HIRIP3: variants seen among roughly 807,000 people sequenced by gnomAD.
The protein encoded by HIRIP3 is HIRA interacting protein 3.
A neutral mutation model predicts 50.3 loss-of-function variants in HIRIP3; 40 were observed. The ratio of observed to expected loss-of-function variants is 0.79; its 90% CI spans 0.62 to 1.03. The LOEUF (loss-of-function observed/expected upper bound fraction) is 1.03. Among genes scored for constraint, HIRIP3 ranks in the 50% least tolerant of loss-of-function variants. The probability of loss-of-function intolerance (pLI) is 0.00; values close to 1 mark genes in which losing one functional copy is unlikely to be tolerated. For synonymous variants in HIRIP3, 318 were observed against 261.6 expected (o/e 1.22, Z -2.08); for missense variants, 765 against 705.4 (o/e 1.08, Z -0.96).
chr16:29,993,534 G>A lies in HIRIP3; in HGVS notation c.1432C>T (p.Arg478Trp), dbSNP rs376150507. The part of the protein sequence containing the change: ...MKGTPSLGKC[R>W]ALKEQREEAA... ...TCCTCCCTCTGCTCCTTCAGGGCCC[G>A]ACACTTCCCTAGGGAAGGGGTACCT... is the stretch of plus-strand genomic sequence containing the variant. The change falls in exon 6 of 7, where the codon CGG (arginine) becomes TGG (tryptophan). Residue 478 changes from arginine to tryptophan, a missense_variant. Coordinates refer to ENST00000279392, the MANE Select transcript of HIRIP3 (RefSeq NM_003609.5). 188 of 1,613,662 alleles carry A rather than the reference G, an allele frequency of 1.2e-4. No individual in the cohort carries two copies. The highest frequency in any genetic ancestry group is 1.4e-4 in the Non-Finnish European group (167 of 1,179,850).
upstream of HIRIP3, chr16:29,995,755 T>G: frequency 1.1e-6 from 1 of 909,664 alleles, no homozygotes; most frequent in Non-Finnish European, 1.7e-6. Context: ...GGCCGAGAAC[T>G]TTGCCAGACG....
At position 29,994,349 on chromosome 16, in the gene HIRIP3, G is replaced by A. The variant is rs761563175; in HGVS notation, c.796C>T (p.Arg266Trp). 5.0e-5 allele frequency: 81 copies of A among 1,613,832 alleles called. No homozygotes were observed. Among genetic ancestry groups the A allele is most frequent in the Non-Finnish European group, 6.3e-5 (74 of 1,180,016 alleles). Reference protein sequence around the residue: ...DWKPRTRSNGRRKSAREERSC... With the variant: ...DWKPRTRSNGWRKSAREERSC... Reference sequence around the variant, plus strand: ...CTCTCCTCCCTAGCTGACTTTCTCCGGCCATTGCTCCTGGTTCTGGGTTTC... The same window carrying A: ...CTCTCCTCCCTAGCTGACTTTCTCCAGCCATTGCTCCTGGTTCTGGGTTTC... The change falls in exon 4 of 7, where the codon CGG becomes TGG. Residue 266 changes from arginine to tryptophan, a missense_variant. By Grantham distance (101) the Arg-to-Trp change is moderately radical. Transcript: ENST00000279392.
chr16:29,993,230 T>C lies in HIRIP3; in HGVS notation c.1648A>G (p.Ser550Gly). The change falls in exon 7 of 7, where the codon AGC becomes GGC. Residue 550 changes from serine to glycine, a missense_variant. Ser to Gly is a moderately conservative substitution (Grantham distance 56). Transcript: ENST00000279392. ...GCTCAGTTACTCTCGCCATCACTGC[T>C]GATGATGCCACGCATATGTGACCAG... is the stretch of plus-strand genomic sequence containing the variant. Reference protein sequence around the residue: ...PDWSHMRGIISSDGESN With the variant: ...PDWSHMRGIIGSDGESN 6.3e-7 allele frequency: 1 copy of C among 1,592,132 alleles called. No homozygotes were observed. Among genetic ancestry groups the C allele is most frequent in the Non-Finnish European group, 8.6e-7 (1 of 1,168,828 alleles).
At position 29,993,800 on chromosome 16, in the gene HIRIP3, T is replaced by C; in HGVS notation, c.1248A>G (p.Ser416=). The stretch of plus-strand genomic sequence containing the variant: ...CCGGGTGGTCCTCTCCACGGCGACC[T>C]GAGCCAGCCTAGCAAGGAAAGAGCA... ...SPEAKGGKAG[S]GRRGEDHPAV... is the part of the protein sequence containing the mutation. Residue 416 remains serine (S), a synonymous_variant, in exon 5 of 7, where the codon TCA becomes TCG. Transcript: ENST00000279392. The C allele has an allele frequency of 3.1e-6, 5 of 1,613,098 alleles. No individual in the cohort carries two copies. Among genetic ancestry groups the C allele is most frequent in the Non-Finnish European group, 4.2e-6 (5 of 1,179,978 alleles).
Position 29,994,383 on chromosome 16 carries a change from C to CT in HIRIP3, c.761dup (p.Asp256GlyfsTer16). 1 of 1,614,130 alleles carries CT rather than the reference C, an allele frequency of 6.2e-7. No homozygotes were observed. Among genetic ancestry groups the CT allele is most frequent in the Non-Finnish European group, 8.5e-7 (1 of 1,180,014 alleles). On this transcript the variant is annotated frameshift_variant, in exon 4 of 7. Transcript: ENST00000279392. LOFTEE classifies it high-confidence loss of function. Reference sequence around the variant, plus strand: ...TCCTGGTTCTGGGTTTCCAATCCCCCTTTTCCTCATCCTCTTCTTTCTCTT... The same window carrying CT: ...TCCTGGTTCTGGGTTTCCAATCCCCCTTTTTCCTCATCCTCTTCTTTCTCTT...
upstream of HIRIP3, chr16:29,995,711 G>T: frequency 7.0e-7 from 1 of 1,423,402 alleles, no homozygotes; most frequent in Non-Finnish European, 9.7e-7. Flanking sequence ...AACGTGGGGC[G>T]AGGGACCGTT....
Position 29,994,365 on chromosome 16 carries a change from TC to T in HIRIP3, c.779del (p.Arg260LysfsTer70). 1 of 1,614,202 alleles carries T rather than the reference TC, an allele frequency of 6.2e-7. No individual in the cohort carries two copies. The highest frequency in any genetic ancestry group is 8.5e-7 in the Non-Finnish European group (1 of 1,180,028). ...ACTTTCTCCGGCCATTGCTCCTGGT[TC>T]TGGGTTTCCAATCCCCCTTTTCCTC... ...EDEEKGDWKP[R>X]TRSNGRRKSA... On this transcript the variant is annotated frameshift_variant, in exon 4 of 7. Coordinates refer to ENST00000279392, the MANE Select transcript of HIRIP3 (RefSeq NM_003609.5). LOFTEE classifies it high-confidence loss of function.
rs777943113 is a variant in HIRIP3, at chr16:29,994,648, C to A, written c.497G>T (p.Gly166Val). 2 of 1,614,134 alleles carry A rather than the reference C, an allele frequency of 1.2e-6. No individual in the cohort carries two copies. Among genetic ancestry groups the A allele is most frequent in the Non-Finnish European group, 1.7e-6 (2 of 1,180,030 alleles). ...TTTCTTCCTAGTCTTCCCCTTGTAC[C>A]CCTTTTCCTCCTCCTCACTGCTCTC... ...GEESSEEEEK[G>V]YKGKTRKKPV... The change falls in exon 4 of 7, where the codon GGG becomes GTG. Residue 166 changes from glycine to valine, a missense_variant. Physicochemically the swap from Gly to Val is moderately radical, Grantham distance 109. Coordinates refer to ENST00000279392, the MANE Select transcript of HIRIP3 (RefSeq NM_003609.5).
At position 29,993,100 on chromosome 16, in the gene HIRIP3, C is replaced by G; in HGVS notation, c.*107G>C. 1.0e-6 allele frequency: 1 copy of G among 997,274 alleles called. No homozygotes were observed. Among genetic ancestry groups the G allele is most frequent in the Non-Finnish European group, 1.4e-6 (1 of 707,176 alleles). 61.8% of individuals were successfully genotyped at this position (997,274 alleles called of 1,614,324 possible). ...TCCCAACAGCTTGTGTCCTTGGGAG[C>G]TGCAGTCTTCTCTGAAGGAAGCTGC... On this transcript the variant is annotated 3_prime_UTR_variant, in exon 7 of 7. Coordinates refer to ENST00000279392, the MANE Select transcript of HIRIP3 (RefSeq NM_003609.5).
At position 29,993,283 on chromosome 16, in the gene HIRIP3, TC is replaced by T; in HGVS notation, c.1594del (p.Glu532LysfsTer89). On this transcript the variant is annotated frameshift_variant, in exon 7 of 7. Transcript: ENST00000279392. LOFTEE classifies it high-confidence loss of function. ...ELYRRTLDSD[E>X]ERPRPAPPDW... ...TGGGGGTGCGGGACGGGGCCGCTCT[TC>T]ATCTGAGTCCAGGGTCCGTCGGTAC... The T allele has an allele frequency of 6.5e-7, 1 of 1,549,840 alleles. No homozygotes were observed.
Position 29,993,448 on chromosome 16 carries a change from A to G in HIRIP3, c.1507+11T>C. 1 of 1,607,738 alleles carries G rather than the reference A, an allele frequency of 6.2e-7. No homozygotes were observed. Among genetic ancestry groups the G allele is most frequent in the East Asian group, 2.2e-5 (1 of 44,770 alleles). On this transcript the variant is annotated intron_variant, in intron 6 of 6. Coordinates refer to ENST00000279392, the MANE Select transcript of HIRIP3 (RefSeq NM_003609.5). ...CTATCTGCTCCTGGGCAGTGAGAGG[A>G]AACCCCTTACCCGAGCCACTGATGA...
In HIRIP3 at chr16:29,995,424, A is replaced by G. The variant is rs151257215; in HGVS notation, c.105T>C (p.Ala35=). The G allele has an allele frequency of 3.7e-6, 6 of 1,613,552 alleles. No homozygotes were observed. The South Asian group carries it at 5.5e-5, about 15-fold the overall frequency. ...THSIVRRRYL[A]HSGRSHLEPE... ...GCTCCAGGTGGCTGCGGCCCGAGTG[A>G]GCTAAGTACCTCCGCCGCACGATGG... The change falls in exon 2 of 7, where the codon GCT becomes GCC. Residue 35 remains alanine (A), a synonymous_variant. Coordinates refer to ENST00000279392, the MANE Select transcript of HIRIP3 (RefSeq NM_003609.5).
Position 29,994,009 on chromosome 16 carries a change from TG to T in HIRIP3, c.1135del (p.Gln379ArgfsTer48), listed in dbSNP as rs1567259110. 1 of 1,601,058 alleles carries T rather than the reference TG, an allele frequency of 6.2e-7. No individual in the cohort carries two copies. The highest frequency in any genetic ancestry group is 8.5e-7 in the Non-Finnish European group (1 of 1,173,306). Reference protein sequence around the residue: ...VSDSEAGGGPQGERKNRSSKK... With the variant: ...VSDSEAGGGPXGERKNRSSKK... ...GGAAGAGCGGTTCTTCCTCTCCCCCTGGGGGCCTCCCCCTGCCTCGCTGTCA... is the reference window on the plus strand; with the variant it reads ...GGAAGAGCGGTTCTTCCTCTCCCCCTGGGGCCTCCCCCTGCCTCGCTGTCA... On this transcript the variant is annotated frameshift_variant, in exon 4 of 7. Coordinates refer to ENST00000279392, the MANE Select transcript of HIRIP3 (RefSeq NM_003609.5). LOFTEE classifies it high-confidence loss of function.
At position 29,995,207 on chromosome 16, in the gene HIRIP3, G is replaced by A. The variant is rs763144129; in HGVS notation, c.197C>T (p.Ala66Val). Residue 66 changes from alanine to valine, a missense_variant, in exon 3 of 7, where the codon GCC (alanine) becomes GTC (valine). Coordinates refer to ENST00000279392, the MANE Select transcript of HIRIP3 (RefSeq NM_003609.5). The stretch of plus-strand genomic sequence containing the variant: ...GTCCAGTTTGTCTTCCCTGGAAGCG[G>A]CTTCATCCACCTGTGTGTGCGCCAA... The part of the protein sequence containing the change: ...EELLKMQVDE[A>V]ASREDKLDLT... 45 of 1,614,240 alleles carry A rather than the reference G, an allele frequency of 2.8e-5. No individual in the cohort carries two copies. The South Asian group carries it at 4.7e-4, about 17-fold the overall frequency.
chr16:29,995,710 C>G (rs551166516), upstream of HIRIP3: 1 of 1,435,904 alleles, frequency 7.0e-7, no homozygotes, highest in African/African-American at 1.4e-5. Flanking sequence ...CAACGTGGGG[C>G]GAGGGACCGT....
chr16:29,993,914 C>G lies in HIRIP3; in HGVS notation c.1231G>C (p.Gly411Arg). 6.4e-7 allele frequency: 1 copy of G among 1,570,986 alleles called. No homozygotes were observed. The highest frequency in any genetic ancestry group is 8.6e-7 in the Non-Finnish European group (1 of 1,157,602). Residue 411 changes from glycine to arginine, a missense_variant, in exon 4 of 7, where the codon GGA becomes CGA. Coordinates refer to ENST00000279392, the MANE Select transcript of HIRIP3 (RefSeq NM_003609.5). ...CCCCTCCTCACCCTCACCTTCCCTCCTTTGGCCTCTGGACTTCCATCTGAG... is the reference window on the plus strand; with the variant it reads ...CCCCTCCTCACCCTCACCTTCCCTCGTTTGGCCTCTGGACTTCCATCTGAG... ...SSSDGSPEAK[G>R]GKAGSGRRGE... is the part of the protein sequence containing the mutation.
upstream of HIRIP3, chr16:29,995,993 C>G (rs982946364): frequency 3.5e-6 from 2 of 567,188 alleles, no homozygotes; most frequent in Admixed American, 6.1e-5. Context: ...TGAGGAACCT[C>G]GGGGATAAAT....
chr16:29,993,502 A>G lies in HIRIP3; in HGVS notation c.1464T>C (p.Ala488=). The change falls in exon 6 of 7, where the codon GCT becomes GCC. Residue 488 remains alanine, a synonymous_variant. Transcript: ENST00000279392. ...RALKEQREEA[A]EVASLDVANI... ...TCGCAACATCCAAGGAGGCCACCTC[A>G]GCTGCCTCCTCCCTCTGCTCCTTCA... 1 of 1,613,872 alleles carries G rather than the reference A, an allele frequency of 6.2e-7. No homozygotes were observed. The highest frequency in any genetic ancestry group is 8.5e-7 in the Non-Finnish European group (1 of 1,179,826).
chr16:29,996,050 G>A, upstream of HIRIP3: 1 of 593,900 alleles, frequency 1.7e-6, no homozygotes, highest in South Asian at 2.0e-5. Context: ...CAGGAACGGC[G>A]CTTTCCAGCG....
Sources: gnomAD v4.1 joint callset for allele counts on GRCh38, gnomAD v4.1.1 for gene constraint, MANE v1.5 for transcripts, NCBI Gene and HGNC (gene_info 2026-07-23, HGNC 2026-07-21) for gene names.